The following ACYP2 variants were observed in gnomAD, a reference collection of about 807,000 sequenced individuals.
ACYP2 encodes acylphosphatase 2.
Under a neutral mutation model 11.2 loss-of-function variants are expected in ACYP2, and 12 were observed. That is an observed-to-expected ratio of 1.08 (90% CI 0.69 to 1.74). The LOEUF (loss-of-function observed/expected upper bound fraction) is 1.74. Among genes scored for constraint, ACYP2 ranks in the 40% most tolerant of loss-of-function variants. The pLI, the probability that ACYP2 is intolerant of heterozygous loss-of-function variation, is 0.00. For missense variants in ACYP2, 134 were observed against 101.9 expected, an observed-to-expected ratio of 1.31 and a Z score of -1.35; for synonymous variants, 43 against 32.2, an observed-to-expected ratio of 1.33 and a Z score of -1.13.
At chr2:54,265,740 T>TA (rs1475879633) in intron 6 of ACYP2, among the ~76,000 whole-genome samples, 6 of 152,252 alleles carry the variant, frequency 3.9e-5, no homozygotes, top group Non-Finnish European at 7.3e-5. Flanking sequence ...TGCACTTAGT[T>TA]ACTAAATAAC....
intron 6 of ACYP2, among the ~76,000 whole-genome samples, chr2:54,170,685 T>C (rs981313649): frequency 2.0e-5 from 3 of 152,006 alleles, no homozygotes; most frequent in Non-Finnish European, 4.4e-5. Flanking sequence ...GACTTTGGGA[T>C]TGTAATATGA....
At chr2:53,989,198 T>A (rs896710974) in intron 2 of ACYP2, among the ~76,000 whole-genome samples, 2 of 152,010 alleles carry the variant, frequency 1.3e-5, no homozygotes, top group Non-Finnish European at 2.9e-5. Context: ...CACCATCGAC[T>A]ATTGTGATCT....
At chr2:54,300,237 C>G (rs1043665460) in intron 6 of ACYP2, among the ~76,000 whole-genome samples, 1 of 152,196 alleles carries the variant, frequency 6.6e-6, no homozygotes, top group African/African-American at 2.4e-5. Context: ...CTCCTTTGCT[C>G]GAATCTTCAA....
chr2:54,048,714 A>G (rs559942038), intron 2 of ACYP2, among the ~76,000 whole-genome samples: 3 of 152,304 alleles, frequency 2.0e-5, no homozygotes, highest in East Asian at 3.9e-4. Flanking sequence ...ATTCACATAT[A>G]TGGCATTTTT....
At chr2:53,974,901 T>C (rs1671392581) in intron 2 of ACYP2, among the ~76,000 whole-genome samples, 1 of 151,566 alleles carries the variant, frequency 6.6e-6, no homozygotes, top group Non-Finnish European at 1.5e-5. Context: ...AGAGAGCTAA[T>C]AGGGAAGGAG....
chr2:54,018,102 A>C (rs1389310153), intron 2 of ACYP2, among the ~76,000 whole-genome samples: 1 of 152,164 alleles, frequency 6.6e-6, no homozygotes, highest in East Asian at 1.9e-4. Context: ...CCTGTGTTGT[A>C]ACCTAGCAAC....
At chr2:54,176,746 A>G (rs1384697970) in intron 6 of ACYP2, among the ~76,000 whole-genome samples, 1 of 152,130 alleles carries the variant, frequency 6.6e-6, no homozygotes, top group East Asian at 1.9e-4. Flanking sequence ...TAATGGTTCT[A>G]TCCAGGAATT....
chr2:54,294,420 G>C (rs573748065), intron 6 of ACYP2, among the ~76,000 whole-genome samples: 1 of 152,084 alleles, frequency 6.6e-6, no homozygotes, highest in South Asian at 2.1e-4. Flanking sequence ...CTCAGAACCC[G>C]CGGGATTCCT....
chr2:54,099,807 C>T (rs1312902328), intron 4 of ACYP2, among the ~76,000 whole-genome samples: 5 of 152,108 alleles, frequency 3.3e-5, no homozygotes, highest in East Asian at 3.9e-4. Context: ...CCTTAGGATA[C>T]GTATCCAGGA....
chr2:54,224,035 C>T (rs187849855), intron 6 of ACYP2, among the ~76,000 whole-genome samples: 16 of 152,140 alleles, frequency 1.1e-4, no homozygotes, highest in South Asian at 2.1e-4. Flanking sequence ...GATTCTGTAC[C>T]GGGACATTGG....
chr2:54,292,722 C>G (rs1233858161), intron 6 of ACYP2, among the ~76,000 whole-genome samples: 1 of 151,748 alleles, frequency 6.6e-6, no homozygotes, highest in African/African-American at 2.4e-5. Flanking sequence ...GTATGTATCT[C>G]TGAATTCTCC....
chr2:54,201,094 T>A (rs1684732567), intron 6 of ACYP2, among the ~76,000 whole-genome samples: 1 of 149,166 alleles, frequency 6.7e-6, no homozygotes, highest in South Asian at 2.2e-4. Context: ...TTAAAAAATT[T>A]GGGTTCTCTC....
chr2:54,182,035 A>C (rs546307269), intron 6 of ACYP2, among the ~76,000 whole-genome samples: 1 of 150,926 alleles, frequency 6.6e-6, no homozygotes, highest in South Asian at 2.1e-4. Context: ...GAAAACAGAA[A>C]AATAGAAGAT....
chr2:54,186,850 G>A (rs912366199), intron 6 of ACYP2, among the ~76,000 whole-genome samples: 7 of 151,988 alleles, frequency 4.6e-5, no homozygotes, highest in South Asian at 2.1e-4. Context: ...ATTATAATTC[G>A]TGTTCAGTCA....
chr2:54,120,489 A>G (rs1344478786), intron 4 of ACYP2, among the ~76,000 whole-genome samples: 1 of 152,212 alleles, frequency 6.6e-6, no homozygotes, highest in Non-Finnish European at 1.5e-5. Flanking sequence ...CATTGTGACT[A>G]TCTGTTGGTA....
chr2:54,258,614 T>C (rs1398412816), intron 6 of ACYP2, among the ~76,000 whole-genome samples: 1 of 152,120 alleles, frequency 6.6e-6, no homozygotes, highest in African/African-American at 2.4e-5. Flanking sequence ...ATAATCTGTA[T>C]GGTGGCAATG....
chr2:54,164,018 T>C (rs1281892069), intron 6 of ACYP2, among the ~76,000 whole-genome samples: 4 of 152,208 alleles, frequency 2.6e-5, no homozygotes, highest in Non-Finnish European at 5.9e-5. Context: ...TGAAAGTTAA[T>C]TACCAAAATA....
chr2:54,235,605 C>T (rs577306771), intron 6 of ACYP2, among the ~76,000 whole-genome samples: 2 of 152,294 alleles, frequency 1.3e-5, no homozygotes, highest in East Asian at 3.9e-4. Context: ...CTGCCTTGGC[C>T]TCCCAAAGTA....
intron 6 of ACYP2, among the ~76,000 whole-genome samples, chr2:54,205,356 T>G (rs375647343): frequency 2.0e-5 from 3 of 152,194 alleles, no homozygotes; most frequent in African/African-American, 7.2e-5. Flanking sequence ...AGATAGACCA[T>G]CTGCAAGGAA....
Sources: gnomAD v4.1 joint callset for allele counts (sites outside exome capture counted in the v4.1 genomes callset) on GRCh38, gnomAD v4.1.1 for gene constraint, MANE v1.5 for transcripts, NCBI Gene and HGNC (gene_info 2026-07-23, HGNC 2026-07-21) for gene names.